Variants in TENM2 observed in about 807,000 individuals in gnomAD.
TENM2 encodes the protein teneurin-2.
A neutral mutation model predicts 245.2 loss-of-function variants in TENM2; 52 were observed. The observed-to-expected ratio is 0.21, with a 90% CI of 0.17 to 0.27. The LOEUF is 0.27. Among genes scored for constraint, TENM2 ranks in the 10% least tolerant of loss-of-function variants. The pLI, the probability that TENM2 is intolerant of heterozygous loss-of-function variation, is 1.00. For synonymous variants in TENM2, 1,363 were observed against 1,438.9 expected, an observed-to-expected ratio of 0.95 and a Z score of 1.19; for missense variants, 3,046 against 3,666.8, an observed-to-expected ratio of 0.83 and a Z score of 4.37.
intron 2 of TENM2, among the ~76,000 whole-genome samples, chr5:167,390,551 G>A (rs1219960896): frequency 2.0e-5 from 3 of 152,098 alleles, no homozygotes; most frequent in Non-Finnish European, 4.4e-5. Flanking sequence ...TCACAAAATA[G>A]GTAGTTCTGC....
chr5:168,079,636 T>C (rs1221154503), intron 7 of TENM2, among the ~76,000 whole-genome samples: 2 of 152,228 alleles, frequency 1.3e-5, no homozygotes, highest in Non-Finnish European at 2.9e-5. Context: ...GTTTTTAGCA[T>C]GAAGGGCTGT....
intron 13 of TENM2, among the ~76,000 whole-genome samples, chr5:168,163,864 C>T (rs1035563037): frequency 2.6e-5 from 4 of 152,174 alleles, no homozygotes; most frequent in African/African-American, 9.7e-5. Flanking sequence ...CACCTTCCTC[C>T]AGAGCCTCAG....
chr5:167,807,115 C>A (rs1766238466), intron 2 of TENM2, among the ~76,000 whole-genome samples: 1 of 109,096 alleles, frequency 9.2e-6, no homozygotes, highest in Non-Finnish European at 1.7e-5. Flanking sequence ...TGGCCCAAAG[C>A]CCCTAGGTTA....
intron 12 of TENM2, among the ~76,000 whole-genome samples, chr5:168,153,146 G>A (rs545176235): frequency 2.6e-5 from 4 of 152,232 alleles, no homozygotes; most frequent in Non-Finnish European, 5.9e-5. Context: ...GGGGTTTGGA[G>A]GCTCCCAGGA....
At chr5:167,319,141 CTT>C (rs1756559646) in intron 1 of TENM2, among the ~76,000 whole-genome samples, 1 of 152,084 alleles carries the variant, frequency 6.6e-6, no homozygotes, top group African/African-American at 2.4e-5. Flanking sequence ...AATCAATTAA[CTT>C]TGTGTGGGGC....
chr5:167,855,813 AGAAG>A (rs1771025475), intron 2 of TENM2, among the ~76,000 whole-genome samples: 2 of 56,576 alleles, frequency 3.5e-5, no homozygotes, highest in Admixed American at 2.1e-4. Flanking sequence ...GAGGGAGGGA[AGAAG>A]GAAGGAAGGG....
intron 2 of TENM2, among the ~76,000 whole-genome samples, chr5:167,650,852 A>G (rs1754412136): frequency 6.6e-6 from 1 of 152,176 alleles, no homozygotes; most frequent in African/African-American, 2.4e-5. Context: ...GCCAGTATAA[A>G]CCAATGCATG....
chr5:167,179,170 A>G, the TENM2 span, among the ~76,000 whole-genome samples: 1 of 152,178 alleles, frequency 6.6e-6, no homozygotes, highest in Non-Finnish European at 1.5e-5. Context: ...CATATTTTTA[A>G]TTGGCACTGT....
chr5:168,182,647 G>C (rs1013719674), intron 13 of TENM2, among the ~76,000 whole-genome samples: 3 of 152,096 alleles, frequency 2.0e-5, no homozygotes, highest in African/African-American at 4.8e-5. Context: ...GCAGGGCAGG[G>C]ACCAAGCATT....
intron 9 of TENM2, among the ~76,000 whole-genome samples, chr5:168,101,732 A>G (rs1412413241): frequency 1.3e-5 from 2 of 152,238 alleles, no homozygotes; most frequent in Admixed American, 1.3e-4. Flanking sequence ...ACAAAATTGA[A>G]GTGTTTAAAG....
chr5:167,012,041 G>A, the TENM2 span, among the ~76,000 whole-genome samples: 5 of 151,936 alleles, frequency 3.3e-5, no homozygotes, highest in Admixed American at 1.3e-4. Flanking sequence ...GTGGCCTCTC[G>A]GTAACCATAA....
chr5:167,995,384 A>C (rs1783977995), intron 5 of TENM2, among the ~76,000 whole-genome samples: 1 of 152,200 alleles, frequency 6.6e-6, no homozygotes, highest in Admixed American at 6.5e-5. Flanking sequence ...ATCGTTTATT[A>C]GTTCATAATC....
At chr5:167,082,365 C>A in the TENM2 span, among the ~76,000 whole-genome samples, 2 of 152,018 alleles carry the variant, frequency 1.3e-5, no homozygotes, top group African/African-American at 4.8e-5. Context: ...ATTATTGCAA[C>A]CTCCACCTCC....
chr5:167,722,703 G>C (rs888995089), intron 2 of TENM2, among the ~76,000 whole-genome samples: 4 of 152,062 alleles, frequency 2.6e-5, no homozygotes, highest in Non-Finnish European at 5.9e-5. Context: ...CTTGAACCCG[G>C]GACAAGGAGA....
intron 5 of TENM2, among the ~76,000 whole-genome samples, chr5:168,021,424 C>T (rs537529622): frequency 9.8e-5 from 15 of 152,318 alleles, no homozygotes; most frequent in African/African-American, 3.4e-4. Flanking sequence ...TCTGGTTTCT[C>T]GAGGCATCCA....
the TENM2 span, among the ~76,000 whole-genome samples, chr5:167,032,404 C>A: frequency 6.6e-6 from 1 of 152,112 alleles, no homozygotes; most frequent in African/African-American, 2.4e-5. Flanking sequence ...CAGTTTTGAT[C>A]ACTGGTAGGA....
chr5:166,985,168 A>G, the TENM2 span, among the ~76,000 whole-genome samples: 3 of 152,152 alleles, frequency 2.0e-5, no homozygotes, highest in Non-Finnish European at 4.4e-5. Flanking sequence ...GTAATTGCAT[A>G]CAACTATCCA....
chr5:167,604,655 G>C (rs1776898254), intron 2 of TENM2, among the ~76,000 whole-genome samples: 1 of 152,166 alleles, frequency 6.6e-6, no homozygotes, highest in Admixed American at 6.5e-5. Flanking sequence ...TGGAGCATCA[G>C]GAGGTCATCA....
At chr5:167,932,354 T>C (rs532876327) in intron 3 of TENM2, among the ~76,000 whole-genome samples, 1 of 152,288 alleles carries the variant, frequency 6.6e-6, no homozygotes, top group East Asian at 1.9e-4. Flanking sequence ...ATGGTAGCTG[T>C]CTCATTATTA....
Sources: allele counts gnomAD v4.1 joint callset (sites outside exome capture counted in the v4.1 genomes callset), GRCh38; gene constraint gnomAD v4.1.1; transcripts MANE v1.5; gene names NCBI Gene and HGNC (gene_info 2026-07-23, HGNC 2026-07-21).